Variants in THADA observed in about 807,000 individuals in gnomAD.
The protein encoded by THADA is THADA armadillo repeat containing, also known as tRNA (32-2'-O)-methyltransferase regulator THADA.
Under a neutral mutation model 219.8 loss-of-function variants are expected in THADA, and 213 were observed. The ratio of observed to expected loss-of-function variants is 0.97; its 90% confidence interval spans 0.87 to 1.09. The LOEUF (loss-of-function observed/expected upper bound fraction) is 1.09. Among genes scored for constraint, THADA ranks in the 50% least tolerant of loss-of-function variants. The probability of loss-of-function intolerance (pLI) is 0.00; values close to 1 mark genes in which losing one functional copy is unlikely to be tolerated. For missense variants in THADA, 2,956 were observed against 2,311.3 expected, an observed-to-expected ratio of 1.28 and a Z score of -5.72; for synonymous variants, 1,018 against 828.9, an observed-to-expected ratio of 1.23 and a Z score of -3.92.
rs562454040 is a variant in THADA at position 43,278,600 on chromosome 2, A to G, written c.5296+1165T>C. ...CACTTGCAGCTCTGTTCCAAATGCT[A>G]TCCTGCTGAGAGGAAAAGCTGATCT... is the stretch of plus-strand genomic sequence containing the variant. On this transcript the variant is annotated intron_variant, in intron 36 of 37. Coordinates refer to ENST00000405975, the MANE Select transcript of THADA (RefSeq NM_022065.5). Among the ~76,000 whole-genome samples the G allele has an allele frequency of 3.0e-4, 46 of 152,326 alleles. 1 individual carries two copies. The highest frequency in any genetic ancestry group is 5.3e-4 in the Non-Finnish European group (36 of 68,010).
chr2:43,472,367 T>C (rs185153850), intron 26 of THADA, among the ~76,000 whole-genome samples: 40 of 152,294 alleles, frequency 2.6e-4, no homozygotes, highest in Admixed American at 5.9e-4. Context: ...CCCACAGAAA[T>C]TACTTCACCA....
chr2:43,485,194 T>G (rs1686760680), intron 26 of THADA, 40 bp downstream of exon 26: 22 of 1,512,876 alleles, frequency 1.5e-5, no homozygotes, highest in Non-Finnish European at 2.0e-5. Flanking sequence ...CAATATTGTA[T>G]TTTTTAAAAA....
intron 29 of THADA, among the ~76,000 whole-genome samples, chr2:43,353,437 G>T (rs533540105): frequency 6.6e-6 from 1 of 152,270 alleles, no homozygotes; most frequent in African/African-American, 2.4e-5. Flanking sequence ...GATTAGTGAT[G>T]TTGAGCACTA....
At chr2:43,346,310 T>C (rs190264216) in intron 29 of THADA, among the ~76,000 whole-genome samples, 3 of 152,272 alleles carry the variant, frequency 2.0e-5, no homozygotes, top group East Asian at 1.9e-4. Flanking sequence ...ATTTAGTGTG[T>C]TGGGTTCAAG....
At chr2:43,308,906 T>A (rs1396606990) in intron 31 of THADA, among the ~76,000 whole-genome samples, 1 of 152,090 alleles carries the variant, frequency 6.6e-6, no homozygotes, top group African/African-American at 2.4e-5. Context: ...TTTGTGACCT[T>A]GGAATAGGCA....
At chr2:43,469,425 G>A (rs1302286521) in intron 26 of THADA, among the ~76,000 whole-genome samples, 6 of 151,916 alleles carry the variant, frequency 3.9e-5, no homozygotes, top group Non-Finnish European at 8.8e-5. Context: ...AAATAATGTG[G>A]ACAAACCTGA....
At position 43,514,588 on chromosome 2, in the gene THADA, T is replaced by TATATA. The variant is rs1240568097; in HGVS notation, c.3375-5809_3375-5808insTATAT. ...ATACATAACATATATGTATATTTTA[T>TATATA]ATATGTATATTTTATATATATTTTA... On this transcript the variant is annotated intron_variant, in intron 22 of 37. Transcript: ENST00000405975. Among the ~76,000 whole-genome samples the TATATA allele has an allele frequency of 4.7e-3, 515 of 109,468 alleles. 83 individuals are homozygous for TATATA. Among genetic ancestry groups the TATATA allele is most frequent in the African/African-American group, 9.6e-3 (251 of 26,128 alleles). The allele number at this position is 109,468 out of a possible 152,430, so 71.8% of individuals were successfully genotyped here.
intron 10 of THADA, among the ~76,000 whole-genome samples, chr2:43,575,833 G>A (rs921170497): frequency 6.6e-6 from 1 of 152,130 alleles, no homozygotes; most frequent in African/African-American, 2.4e-5. Context: ...ACCATGCCCG[G>A]CCTACACATG....
In THADA at chr2:43,293,084, G is replaced by C; in HGVS notation, c.4568C>G (p.Ala1523Gly). 6.2e-7 allele frequency: 1 copy of C among 1,613,970 alleles called. No individual in the cohort carries two copies. The highest frequency in any genetic ancestry group is 8.5e-7 in the Non-Finnish European group (1 of 1,179,880). The change falls in exon 32 of 38, where the codon GCC (alanine) becomes GGC (glycine). Residue 1523 changes from alanine (A) to glycine (G), a missense_variant. Coordinates refer to ENST00000405975, the MANE Select transcript of THADA (RefSeq NM_022065.5). ...TGCCGCGGCCCACACTGCAGCAATG[G>C]CTAGTCTGGTGAGGCTCTGGAGGTA... is the stretch of plus-strand genomic sequence containing the variant. ...PQYLQSLTRLAIAAVWAAAAK... is the reference protein window; with the variant it reads ...PQYLQSLTRLGIAAVWAAAAK...
At chr2:43,384,872 G>A (rs1324335781) in intron 29 of THADA, among the ~76,000 whole-genome samples, 2 of 152,202 alleles carry the variant, frequency 1.3e-5, no homozygotes, top group Non-Finnish European at 2.9e-5. Flanking sequence ...AGGTGCAGTG[G>A]CTCACGCCTG....
chr2:43,397,001 A>G (rs1674138867), intron 29 of THADA, among the ~76,000 whole-genome samples: 1 of 152,168 alleles, frequency 6.6e-6, no homozygotes, highest in Non-Finnish European at 1.5e-5. Flanking sequence ...TGTTGTATGT[A>G]TTAATTTCCT....
At chr2:43,262,885 G>T (rs1241967653) in intron 36 of THADA, among the ~76,000 whole-genome samples, 1 of 152,194 alleles carries the variant, frequency 6.6e-6, no homozygotes, top group African/African-American at 2.4e-5. Flanking sequence ...CAGGTGATCT[G>T]TGTACATATT....
intron 26 of THADA, among the ~76,000 whole-genome samples, chr2:43,476,057 C>T (rs1028488540): frequency 6.6e-6 from 1 of 152,104 alleles, no homozygotes; most frequent in Non-Finnish European, 1.5e-5. Context: ...TCACGTGCTT[C>T]GGGGAGGACC....
At position 43,590,961 on chromosome 2, in the gene THADA, T is replaced by C; in HGVS notation, c.172-7A>G. 1.2e-6 allele frequency: 2 copies of C among 1,605,840 alleles called. No individual in the cohort carries two copies. Among genetic ancestry groups the C allele is most frequent in the Non-Finnish European group, 1.7e-6 (2 of 1,176,942 alleles). On this transcript the variant is annotated splice_polypyrimidine_tract_variant and splice_region_variant and intron_variant, in intron 3 of 37. Transcript: ENST00000405975. ...TCTCCAGCAGAGGCACAATCTATAA[T>C]ACAAAACATTGAAGTAATTTTTATA... is the stretch of plus-strand genomic sequence containing the variant.
At chr2:43,420,393 A>G (rs1486750430) in intron 28 of THADA, among the ~76,000 whole-genome samples, 1 of 152,252 alleles carries the variant, frequency 6.6e-6, no homozygotes, top group Non-Finnish European at 1.5e-5. Context: ...AGCTAGGTAC[A>G]CAATGAATGT....
chr2:43,344,493 C>A (rs1667410083), intron 29 of THADA, among the ~76,000 whole-genome samples: 1 of 152,232 alleles, frequency 6.6e-6, no homozygotes, highest in African/African-American at 2.4e-5. Context: ...GCCCAACAAT[C>A]ATCTGCCACA....
chr2:43,309,399 G>A (rs775318206), intron 31 of THADA, among the ~76,000 whole-genome samples: 4 of 152,072 alleles, frequency 2.6e-5, no homozygotes, highest in Non-Finnish European at 4.4e-5. Flanking sequence ...GTTCAGAGCA[G>A]CATTATTCAC....
intron 30 of THADA, among the ~76,000 whole-genome samples, chr2:43,326,187 C>T (rs1413525710): frequency 6.9e-6 from 1 of 144,364 alleles, no homozygotes; most frequent in African/African-American, 2.6e-5. Context: ...AAAAAAAACA[C>T]TTGAAAGCCA....
rs1412433795 is a variant in THADA at position 43,556,066 on chromosome 2, G to A, written c.2674+279C>T. The A allele has an allele frequency of 7.6e-6, 5 of 658,422 alleles. No homozygotes were observed. The East Asian group carries it at 3.5e-4, about 46-fold the overall frequency. The allele number at this position is 658,422 out of a possible 1,614,324, so 40.8% of individuals were successfully genotyped here. A position where few individuals can be genotyped will look rare whatever the true frequency, so the allele number is the denominator to read the frequency against. On this transcript the variant is annotated intron_variant, in intron 17 of 37. Coordinates refer to ENST00000405975, the MANE Select transcript of THADA (RefSeq NM_022065.5). ...CAGTATAATTTATGTAGGGAAAAAAGCACACTTTTGGTGGAGAAAGAGGTC... is the reference window on the plus strand; with the variant it reads ...CAGTATAATTTATGTAGGGAAAAAAACACACTTTTGGTGGAGAAAGAGGTC...
Sources: allele counts gnomAD v4.1 joint callset (sites outside exome capture counted in the v4.1 genomes callset), GRCh38; gene constraint gnomAD v4.1.1; transcripts MANE v1.5; gene names NCBI Gene and HGNC (gene_info 2026-07-23, HGNC 2026-07-21).